LGR5: variants seen among roughly 807,000 people sequenced by gnomAD.
LGR5 encodes the protein leucine rich repeat containing G protein-coupled receptor 5.
In LGR5, 54 loss-of-function variants were observed where a neutral mutation model predicts 76.7. That is an observed-to-expected ratio of 0.70 (90% CI 0.57 to 0.88). The LOEUF is 0.88. Ranked by LOEUF, LGR5 falls within the 40% of genes least tolerant of loss-of-function variation. LGR5 has a pLI of 0.00. For missense variants in LGR5, 1,078 were observed against 1,073.3 expected, an observed-to-expected ratio of 1.00 and a Z score of -0.06; for synonymous variants, 406 against 421.9, an observed-to-expected ratio of 0.96 and a Z score of 0.46.
At chr12:71,548,759 G>A (rs1465886109) in intron 4 of LGR5, among the ~76,000 whole-genome samples, 3 of 151,734 alleles carry the variant, frequency 2.0e-5, no homozygotes. Flanking sequence ...GAATTGGCTG[G>A]AACCTGGTAC....
chr12:71,506,431 C>T (rs1874861132), intron 2 of LGR5, among the ~76,000 whole-genome samples: 1 of 152,066 alleles, frequency 6.6e-6, no homozygotes, highest in African/African-American at 2.4e-5. Context: ...CCTCTTTCTT[C>T]ATGAGGTGAA....
rs183086180 is a variant in LGR5, at chr12:71,449,195, G to A, written c.212+8903G>A. The stretch of plus-strand genomic sequence containing the variant: ...ATCTCAGACACTTTTCCCACCAAGG[G>A]CGTCAAACTAGAAGATGAAGGGAAG... On this transcript the variant is annotated intron_variant, in intron 1 of 17. Transcript: ENST00000266674. Among the ~76,000 whole-genome samples, 114 of 152,270 alleles carry A rather than the reference G, an allele frequency of 7.5e-4. 1 individual carries two copies. Among genetic ancestry groups the A allele is most frequent in the African/African-American group, 2.6e-3 (110 of 41,566 alleles).
At chr12:71,567,651 A>T (rs548184219) in intron 11 of LGR5, among the ~76,000 whole-genome samples, 1 of 152,236 alleles carries the variant, frequency 6.6e-6, no homozygotes, top group South Asian at 2.1e-4. Flanking sequence ...TATAAGCTTT[A>T]CTTAGCAGCA....
At chr12:71,468,167 A>G (rs1446631624) in intron 1 of LGR5, among the ~76,000 whole-genome samples, 1 of 152,230 alleles carries the variant, frequency 6.6e-6, no homozygotes, top group Admixed American at 6.5e-5. Context: ...ATGTAGTTTT[A>G]GCAAGACTAC....
At chr12:71,489,506 A>G (rs1873972120) in intron 1 of LGR5, among the ~76,000 whole-genome samples, 1 of 152,202 alleles carries the variant, frequency 6.6e-6, no homozygotes, top group Admixed American at 6.5e-5. Context: ...GTTCATACAG[A>G]TTGCATATTT....
At chr12:71,476,836 G>T (rs926980005) in intron 1 of LGR5, among the ~76,000 whole-genome samples, 1 of 152,138 alleles carries the variant, frequency 6.6e-6, no homozygotes, top group Non-Finnish European at 1.5e-5. Context: ...TTTTAATCAG[G>T]TTGGCATGGA....
At chr12:71,547,252 A>G (rs1366061181) in intron 4 of LGR5, among the ~76,000 whole-genome samples, 2 of 152,332 alleles carry the variant, frequency 1.3e-5, no homozygotes, top group African/African-American at 4.8e-5. Flanking sequence ...CCTAACACAG[A>G]AGATGTGCAT....
chr12:71,444,495 A>T (rs1307827079), intron 1 of LGR5, among the ~76,000 whole-genome samples: 1 of 152,140 alleles, frequency 6.6e-6, no homozygotes, highest in Admixed American at 6.5e-5. Flanking sequence ...GAATATATTT[A>T]ACATATGCAT....
At chr12:71,535,355 G>GT (rs1876533910) in intron 4 of LGR5, among the ~76,000 whole-genome samples, 169 bp downstream of exon 4, 1 of 152,178 alleles carries the variant, frequency 6.6e-6, no homozygotes, top group African/African-American at 2.4e-5. Context: ...TGAGCAATAT[G>GT]TATGGGAGGA....
intron 7 of LGR5, 39 bp from the exon 8 acceptor site, chr12:71,561,742 C>A: frequency 1.6e-6 from 2 of 1,272,086 alleles, no homozygotes; most frequent in Non-Finnish European, 2.2e-6. Context: ...ATAATTTTAC[C>A]CCACACAGGA....
intron 1 of LGR5, among the ~76,000 whole-genome samples, chr12:71,490,446 G>A (rs1009535461): frequency 4.6e-5 from 7 of 152,198 alleles, no homozygotes; most frequent in African/African-American, 1.7e-4. Flanking sequence ...TCATTAGGCA[G>A]AGTGACAGGG....
Position 71,584,451 on chromosome 12 carries a change from G to A in LGR5, c.2441G>A (p.Cys814Tyr). Reference sequence around the variant, plus strand: ...CTGGTGGTAGTCCCACTTCCTGCATGTCTCAATCCCCTTCTCTACATCTTG... The same window carrying A: ...CTGGTGGTAGTCCCACTTCCTGCATATCTCAATCCCCTTCTCTACATCTTG... ...ILLVVVPLPA[C>Y]LNPLLYILFN... The change falls in exon 18 of 18, where the codon TGT becomes TAT. Residue 814 changes from cysteine to tyrosine, a missense_variant. Coordinates refer to ENST00000266674, the MANE Select transcript of LGR5 (RefSeq NM_003667.4). 6.2e-7 allele frequency: 1 copy of A among 1,614,118 alleles called. No individual in the cohort carries two copies. The highest frequency in any genetic ancestry group is 8.5e-7 in the Non-Finnish European group (1 of 1,180,000).
At chr12:71,512,628 A>T (rs888657700) in intron 2 of LGR5, among the ~76,000 whole-genome samples, 2 of 152,114 alleles carry the variant, frequency 1.3e-5, no homozygotes, top group Non-Finnish European at 2.9e-5. Context: ...GCAGTCAGGG[A>T]CTCATCAGTT....
chr12:71,544,175 G>T (rs531789304), intron 4 of LGR5, among the ~76,000 whole-genome samples: 5 of 151,918 alleles, frequency 3.3e-5, no homozygotes, highest in Non-Finnish European at 7.4e-5. Context: ...AGTCAAGACA[G>T]CTGATTAGTC....
intron 1 of LGR5, among the ~76,000 whole-genome samples, chr12:71,473,281 AT>A (rs1162447345): frequency 6.6e-6 from 1 of 152,152 alleles, no homozygotes; most frequent in Non-Finnish European, 1.5e-5. Flanking sequence ...ATGAATTATG[AT>A]TTGGGAGGAA....
At chr12:71,484,182 A>G (rs544231661) in intron 1 of LGR5, among the ~76,000 whole-genome samples, 7 of 152,294 alleles carry the variant, frequency 4.6e-5, no homozygotes, top group African/African-American at 1.7e-4. Context: ...TTCCTAAGAA[A>G]AACATGTAGA....
At chr12:71,484,753 C>T (rs1873756138) in intron 1 of LGR5, among the ~76,000 whole-genome samples, 1 of 152,194 alleles carries the variant, frequency 6.6e-6, no homozygotes, top group African/African-American at 2.4e-5. Flanking sequence ...GACCTCTCCA[C>T]AAATAACTAC....
chr12:71,452,074 T>G (rs1565848953), intron 1 of LGR5, among the ~76,000 whole-genome samples: 1 of 152,170 alleles, frequency 6.6e-6, no homozygotes, highest in Non-Finnish European at 1.5e-5. Flanking sequence ...TTACCCTGCC[T>G]TGTCCATTCC....
chr12:71,506,460 G>C (rs539691140), intron 2 of LGR5, among the ~76,000 whole-genome samples: 32 of 151,744 alleles, frequency 2.1e-4, no homozygotes, highest in Non-Finnish European at 4.0e-4. Context: ...CTGTTCTAAG[G>C]CCAGTTTTTA....
Sources: allele counts gnomAD v4.1 joint callset (sites outside exome capture counted in the v4.1 genomes callset), GRCh38; gene constraint gnomAD v4.1.1; transcripts MANE v1.5; gene names NCBI Gene and HGNC (gene_info 2026-07-23, HGNC 2026-07-21).